FHDC1: variants seen among roughly 807,000 people sequenced by gnomAD.
The protein encoded by FHDC1 is FH2 domain containing 1, also known as FH2 domain-containing protein 1.
Under a neutral mutation model 52.6 loss-of-function variants are expected in FHDC1, and 25 were observed. The observed-to-expected ratio is 0.48, with a 90% CI of 0.35 to 0.66. FHDC1 has a LOEUF of 0.66. Among genes scored for constraint, FHDC1 ranks in the 30% least tolerant of loss-of-function variants. FHDC1 has a pLI of 0.01. For missense variants in FHDC1, 1,459 were observed against 1,452.8 expected, an observed-to-expected ratio of 1.00 and a Z score of -0.07; for synonymous variants, 616 against 581.5, an observed-to-expected ratio of 1.06 and a Z score of -0.85.
intron 9 of FHDC1, among the ~76,000 whole-genome samples, chr4:152,966,294 C>T (rs1234759056): frequency 6.6e-6 from 1 of 152,162 alleles, no homozygotes; most frequent in Non-Finnish European, 1.5e-5. Context: ...ACAAACAGGT[C>T]TCAGATATGT....
In FHDC1 at chr4:152,975,849, C is replaced by A. The variant is rs1371499406; in HGVS notation, c.2558C>A (p.Pro853His). The A allele has an allele frequency of 2.0e-6, 3 of 1,515,548 alleles. No homozygotes were observed. The highest frequency in any genetic ancestry group is 2.6e-6 in the Non-Finnish European group (3 of 1,133,220). 93.9% of individuals were successfully genotyped at this position (1,515,548 alleles called of 1,614,324 possible). A position where few individuals can be genotyped will look rare whatever the true frequency, so the allele number is the denominator to read the frequency against. ...AAGGGCGGCCTGCCCAGGGACAAAC[C>A]CACCAAAAGGAAAGATGTTGTAGCA... is the stretch of plus-strand genomic sequence containing the variant. Reference protein sequence around the residue: ...SCKGGLPRDKPTKRKDVVAPK... With the variant: ...SCKGGLPRDKHTKRKDVVAPK... The change falls in exon 12 of 12, where the codon CCC becomes CAC. Residue 853 changes from proline to histidine, a missense_variant. Transcript: ENST00000511601.
chr4:152,976,875 A>C lies in FHDC1; in HGVS notation c.*152A>C, dbSNP rs1740911308. The C allele has an allele frequency of 2.0e-6, 2 of 1,012,512 alleles. No individual in the cohort carries two copies. The highest frequency in any genetic ancestry group is 2.7e-6 in the Non-Finnish European group (2 of 729,254). 62.7% of individuals were successfully genotyped at this position (1,012,512 alleles called of 1,614,324 possible). A position where few individuals can be genotyped will look rare whatever the true frequency, so the allele number is the denominator to read the frequency against. ...CGCTGTTGGGATGGCACAGTCCAGG[A>C]GGCCTGTGGACTGCAGCCTGCTGTG... On this transcript the variant is annotated 3_prime_UTR_variant, in exon 12 of 12. Transcript: ENST00000511601.
At chr4:152,926,287 CACACACACACACACACAAACAAT>C in the FHDC1 span, among the ~76,000 whole-genome samples, 12 of 151,052 alleles carry the variant, frequency 7.9e-5, no homozygotes, top group East Asian at 2.3e-3. Flanking sequence ...CACACACACA[CACACACACACACACACAAACAAT>C]ACACACAAAC....
Position 152,963,072 on chromosome 4 carries a change from A to G in FHDC1, c.971A>G (p.Lys324Arg). The stretch of plus-strand genomic sequence containing the variant: ...GGATTTAAACTGTCTTCTTTGCTCA[A>G]ATTGGCAGACACAAAAGCAAACAAA... ...AVGFKLSSLL[K>R]LADTKANKPG... Residue 324 changes from lysine to arginine, a missense_variant, in exon 8 of 12, where the codon AAA becomes AGA. Coordinates refer to ENST00000511601, the MANE Select transcript of FHDC1 (RefSeq NM_001371116.1). 6.2e-7 allele frequency: 1 copy of G among 1,613,682 alleles called. No homozygotes were observed. Among genetic ancestry groups the G allele is most frequent in the South Asian group, 1.1e-5 (1 of 91,064 alleles).
chr4:152,927,418 CTCTA>C, the FHDC1 span: 3 of 784,732 alleles, frequency 3.8e-6, no homozygotes, highest in East Asian at 7.3e-5. Flanking sequence ...TTTGCCGGGA[CTCTA>C]TAGTGGCGAT....
At chr4:152,916,659 C>CT in the FHDC1 span, among the ~76,000 whole-genome samples, 24 of 151,704 alleles carry the variant, frequency 1.6e-4, no homozygotes, top group Admixed American at 3.9e-4. Flanking sequence ...CAATCAGAGG[C>CT]TTTTTTTTGT....
At chr4:152,952,736 T>G (rs1739965108) in intron 2 of FHDC1, among the ~76,000 whole-genome samples, 1 of 152,214 alleles carries the variant, frequency 6.6e-6, no homozygotes, top group Non-Finnish European at 1.5e-5. Flanking sequence ...GTCCTGGAAC[T>G]AATCCCCTGT....
intron 9 of FHDC1, among the ~76,000 whole-genome samples, chr4:152,967,357 G>A (rs1162818146): frequency 3.3e-5 from 5 of 152,126 alleles, no homozygotes; most frequent in Admixed American, 3.3e-4. Flanking sequence ...AACCCAGGAG[G>A]CAGAGGTTGC....
chr4:152,934,461 C>T (rs1007224392), upstream of FHDC1, among the ~76,000 whole-genome samples: 3 of 152,194 alleles, frequency 2.0e-5, no homozygotes, highest in African/African-American at 7.2e-5. Context: ...CCTTGAAGCT[C>T]AAATTTCCAA....
intron 2 of FHDC1, among the ~76,000 whole-genome samples, chr4:152,952,133 C>T (rs1739944480): frequency 6.6e-6 from 1 of 152,156 alleles, no homozygotes; most frequent in Non-Finnish European, 1.5e-5. Context: ...ATGTAGGACA[C>T]TACCTTACAC....
rs1194738451 is a variant in FHDC1, at chr4:152,949,109, TAATAATAATAATAATAAGAAG to T, written c.499-4387_499-4367del. Among the ~76,000 whole-genome samples, 437 of 75,018 alleles carry T rather than the reference TAATAATAATAATAATAAGAAG, an allele frequency of 5.8e-3. 4 individuals are homozygous for T. Among genetic ancestry groups the T allele is most frequent in the South Asian group, 0.029 (52 of 1,816 alleles). 49.2% of individuals were successfully genotyped at this position (75,018 alleles called of 152,430 possible). ...GTCTCAGTAATAATAATAATAATAA[TAATAATAATAATAATAAGAAG>T]AAGAAGAAGAAGAAGAAGAAGAAGA... On this transcript the variant is annotated intron_variant, in intron 2 of 11. Coordinates refer to ENST00000511601, the MANE Select transcript of FHDC1 (RefSeq NM_001371116.1).
intron 1 of FHDC1, among the ~76,000 whole-genome samples, chr4:152,938,386 C>T (rs1181717706): frequency 6.6e-6 from 1 of 151,896 alleles, no homozygotes; most frequent in Non-Finnish European, 1.5e-5. Context: ...CACAGGCAGA[C>T]GGAACTCACA....
At chr4:152,928,008 A>G in the FHDC1 span, 2 of 1,470,708 alleles carry the variant, frequency 1.4e-6, no homozygotes, top group East Asian at 2.3e-5. Context: ...TCATCCTGCA[A>G]GTCTCTCAGA....
At chr4:152,952,271 T>C (rs2149944831) in intron 2 of FHDC1, among the ~76,000 whole-genome samples, 1 of 152,334 alleles carries the variant, frequency 6.6e-6, no homozygotes, top group Non-Finnish European at 1.5e-5. Flanking sequence ...AAATCAGGGT[T>C]GGGACTCAAT....
chr4:152,943,555 G>C lies in FHDC1; in HGVS notation c.498G>C (p.Glu166Asp), dbSNP rs1191836150. 6.2e-7 allele frequency: 1 copy of C among 1,609,032 alleles called. No homozygotes were observed. The change falls in exon 2 of 12, where the codon GAG becomes GAC. Residue 166 changes from glutamate to aspartate, a missense_variant and splice_region_variant. Glu to Asp is a conservative substitution (Grantham distance 45, BLOSUM62 2). Around this residue, in one of 3 missense-constraint regions of FHDC1, gnomAD observed 513 missense variants for 581.5 expected, o/e 0.88. Transcript: ENST00000511601. ...CATCCTTCAGAGAAGCTCGAGAAGA[G>C]GTAAGAATGCAAGGTGGAGGGCTAA... is the stretch of plus-strand genomic sequence containing the variant. ...LNSSFREAREEITILDAKRSM... is the reference protein window; with the variant it reads ...LNSSFREAREDITILDAKRSM...
At chr4:152,962,632 G>A (rs931346585) in intron 6 of FHDC1, among the ~76,000 whole-genome samples, 182 bp from the exon 7 acceptor site, 8 of 152,124 alleles carry the variant, frequency 5.3e-5, no homozygotes, top group South Asian at 2.1e-4. Context: ...ACGGATTGCC[G>A]GTAGCAAATG....
In FHDC1 at chr4:152,976,677, C is replaced by A; in HGVS notation, c.3386C>A (p.Ser1129Tyr). The change falls in exon 12 of 12, where the codon TCC (serine) becomes TAC (tyrosine). Residue 1129 changes from serine to tyrosine, a missense_variant. By Grantham distance (144) the Ser-to-Tyr change is moderately radical (BLOSUM62 -2). Around this residue, in one of 3 missense-constraint regions of FHDC1, gnomAD observed 939 missense variants for 854.5 expected, o/e 1.10. Transcript: ENST00000511601. The part of the protein sequence containing the change: ...GERASLRRKD[S>Y]SRTTLGRILN... ...AGGGCCTCCCTCCGTCGGAAGGACT[C>A]CAGTCGGACCACGCTGGGGAGAATC... The A allele has an allele frequency of 6.5e-7, 1 of 1,546,562 alleles. No homozygotes were observed. The highest frequency in any genetic ancestry group is 8.7e-7 in the Non-Finnish European group (1 of 1,147,202).
chr4:152,931,521 A>C (rs759866363), upstream of FHDC1, among the ~76,000 whole-genome samples: 10 of 150,606 alleles, frequency 6.6e-5, no homozygotes, highest in Non-Finnish European at 4.4e-5. Context: ...AAACAAATGG[A>C]TGGACAATTT....
upstream of FHDC1, among the ~76,000 whole-genome samples, chr4:152,931,955 A>C (rs10554077): frequency 0.048 from 5,653 of 118,928 alleles, 158 homozygotes; most frequent in South Asian, 0.13. Flanking sequence ...AAAAAAAAAA[A>C]AAAAAAAAAC....
Sources: gnomAD v4.1 joint callset for allele counts (sites outside exome capture counted in the v4.1 genomes callset) on GRCh38, gnomAD v4.1.1 for gene constraint, gnomAD v4.1.1 regional missense constraint, MANE v1.5 for transcripts, NCBI Gene and HGNC (gene_info 2026-07-23, HGNC 2026-07-21) for gene names.